The following TLE1 variants were observed in gnomAD, a reference collection of about 807,000 sequenced individuals.
TLE1 encodes transducin-like enhancer protein 1.
TLE1 carries 21 observed loss-of-function variants against 89.8 expected under a neutral mutation model. The observed-to-expected ratio is 0.23, with a 90% CI of 0.17 to 0.34. TLE1 has a LOEUF of 0.34. Among genes scored for constraint, TLE1 ranks in the 10% least tolerant of loss-of-function variants. The pLI is 1.00. For missense variants in TLE1, 795 were observed against 1,031.2 expected, an observed-to-expected ratio of 0.77 and a Z score of 3.14; for synonymous variants, 447 against 407.6, an observed-to-expected ratio of 1.10 and a Z score of -1.16.
intron 14 of TLE1, among the ~76,000 whole-genome samples, chr9:81,605,944 T>A (rs1431300215): frequency 6.6e-6 from 1 of 151,776 alleles, no homozygotes. Context: ...AACAACCCCA[T>A]CAAAAAGTGG....
intron 4 of TLE1, among the ~76,000 whole-genome samples, chr9:81,660,656 T>C (rs1830652592): frequency 6.6e-6 from 1 of 151,180 alleles, no homozygotes; most frequent in Non-Finnish European, 1.5e-5. Flanking sequence ...GACCTCGTGA[T>C]TCGCCGGTCT....
intron 4 of TLE1, among the ~76,000 whole-genome samples, chr9:81,684,885 T>C (rs1834070553): frequency 6.6e-6 from 1 of 152,198 alleles, no homozygotes; most frequent in South Asian, 2.1e-4. Flanking sequence ...CGAGGGTCCT[T>C]TGGGCTGAGC....
intron 6 of TLE1, among the ~76,000 whole-genome samples, chr9:81,639,622 G>A (rs544989878): frequency 4.6e-5 from 6 of 130,752 alleles, no homozygotes; most frequent in East Asian, 4.7e-4. Flanking sequence ...TCGCTCTGTC[G>A]CCCAGGCTGG....
chr9:81,681,115 T>C (rs1158962277), intron 4 of TLE1, among the ~76,000 whole-genome samples: 1 of 152,136 alleles, frequency 6.6e-6, no homozygotes, highest in Non-Finnish European at 1.5e-5. Flanking sequence ...GTAAAAGCAG[T>C]TTCACTCCAA....
chr9:81,670,746 CT>C lies in TLE1; in HGVS notation c.234+14929del, dbSNP rs1832115476. On this transcript the variant is annotated intron_variant, in intron 4 of 19. Coordinates refer to ENST00000376499, the MANE Select transcript of TLE1 (RefSeq NM_005077.5). ...AAAAATTAAAAAAAAAAAATCACAG[CT>C]TTTTTTGGGTATTTGATCTTGGATA... Among the ~76,000 whole-genome samples the C allele has an allele frequency of 5.3e-5, 8 of 150,768 alleles. No individual in the cohort carries two copies. The South Asian group carries it at 1.7e-3, about 32-fold the overall frequency.
chr9:81,594,684 G>A (rs1046739252), intron 14 of TLE1, among the ~76,000 whole-genome samples: 5 of 152,114 alleles, frequency 3.3e-5, no homozygotes, highest in African/African-American at 1.2e-4. Flanking sequence ...CATTACCCTC[G>A]AGAAAGTCTG....
chr9:81,609,170 C>T (rs542285550), intron 14 of TLE1, among the ~76,000 whole-genome samples: 11 of 152,018 alleles, frequency 7.2e-5, no homozygotes, highest in South Asian at 4.2e-4. Flanking sequence ...CTGCAACCTC[C>T]GCCACCCAGG....
chr9:81,603,867 C>T (rs1280940940), intron 14 of TLE1, among the ~76,000 whole-genome samples: 4 of 151,898 alleles, frequency 2.6e-5, no homozygotes, highest in South Asian at 2.1e-4. Context: ...CCGGACATGG[C>T]GGTGTACGCT....
chr9:81,644,060 A>G (rs1828513518), intron 6 of TLE1, among the ~76,000 whole-genome samples: 1 of 152,336 alleles, frequency 6.6e-6, no homozygotes, highest in Middle Eastern at 3.4e-3. Context: ...CCTCACACCC[A>G]TTAGGATGCG....
rs777395152 is a variant in TLE1, at chr9:81,590,941, G to A, written c.1693C>T (p.Arg565Cys). 7 of 1,614,234 alleles carry A rather than the reference G, an allele frequency of 4.3e-6. No individual in the cohort carries two copies. The highest frequency in any genetic ancestry group is 4.2e-6 in the Non-Finnish European group (5 of 1,180,038). The change falls in exon 16 of 20, where the codon CGC becomes TGC. Residue 565 changes from arginine to cysteine, a missense_variant. Arg to Cys is a radical substitution (Grantham distance 180). Around this residue, in one of 4 missense-constraint regions of TLE1, gnomAD observed 214 missense variants for 354.9 expected, o/e 0.60. Transcript: ENST00000376499. Reference protein sequence around the residue: ...SIWDLAAPTPRIKAELTSSAP... With the variant: ...SIWDLAAPTPCIKAELTSSAP... ...GAGGACGTCAGCTCCGCCTTGATGCGCGGGGTTGGAGCCGCCAGGTCCCAA... is the reference window on the plus strand; with the variant it reads ...GAGGACGTCAGCTCCGCCTTGATGCACGGGGTTGGAGCCGCCAGGTCCCAA...
At chr9:81,604,198 G>C (rs1831332173) in intron 14 of TLE1, among the ~76,000 whole-genome samples, 1 of 152,144 alleles carries the variant, frequency 6.6e-6, no homozygotes, top group Non-Finnish European at 1.5e-5. Context: ...GGGCAAAGGA[G>C]AATTTTTCCT....
chr9:81,644,975 T>C (rs181087719), intron 6 of TLE1, among the ~76,000 whole-genome samples: 23 of 121,254 alleles, frequency 1.9e-4, no homozygotes, highest in Non-Finnish European at 2.6e-4. Flanking sequence ...CACTCCAGCC[T>C]GGGTGATAGA....
At chr9:81,683,526 A>T (rs1340721819) in intron 4 of TLE1, among the ~76,000 whole-genome samples, 1 of 152,188 alleles carries the variant, frequency 6.6e-6, no homozygotes, top group Non-Finnish European at 1.5e-5. Flanking sequence ...AATAAGAATT[A>T]TGATTACTAG....
chr9:81,632,226 C>A (rs1826729394), intron 8 of TLE1, among the ~76,000 whole-genome samples: 1 of 152,072 alleles, frequency 6.6e-6, no homozygotes, highest in Non-Finnish European at 1.5e-5. Context: ...TTTGTCCCCC[C>A]AATCCCCTCT....
intron 8 of TLE1, among the ~76,000 whole-genome samples, chr9:81,628,915 G>C (rs1425176394): frequency 1.3e-5 from 2 of 152,084 alleles, no homozygotes; most frequent in African/African-American, 4.8e-5. Context: ...CCAGAATTCT[G>C]CAAAAGAGCA....
intron 4 of TLE1, among the ~76,000 whole-genome samples, chr9:81,681,015 C>A (rs925013659): frequency 6.6e-6 from 1 of 151,672 alleles, no homozygotes; most frequent in African/African-American, 2.4e-5. Flanking sequence ...ACAGGTGAGT[C>A]CCTAACAGTC....
At chr9:81,685,325 A>G (rs1834120598) in intron 4 of TLE1, among the ~76,000 whole-genome samples, 1 of 152,196 alleles carries the variant, frequency 6.6e-6, no homozygotes, top group Non-Finnish European at 1.5e-5. Context: ...ACAGCACAAA[A>G]ACATTAACTA....
chr9:81,652,372 G>A (rs1201840700), intron 5 of TLE1, 84 bp from the exon 6 acceptor site: 2 of 1,127,044 alleles, frequency 1.8e-6, no homozygotes, highest in East Asian at 2.4e-5. Context: ...CAAATGCTGT[G>A]TGCAATGCAG....
intron 9 of TLE1, among the ~76,000 whole-genome samples, chr9:81,619,892 A>G (rs1415255447): frequency 1.3e-5 from 2 of 152,196 alleles, no homozygotes; most frequent in African/African-American, 4.8e-5. Flanking sequence ...CATTTTGACC[A>G]TGAACTTAGA....
Sources: gnomAD v4.1 joint callset for allele counts (sites outside exome capture counted in the v4.1 genomes callset) on GRCh38, gnomAD v4.1.1 for gene constraint, gnomAD v4.1.1 regional missense constraint, MANE v1.5 for transcripts, NCBI Gene and HGNC (gene_info 2026-07-23, HGNC 2026-07-21) for gene names.